Variants in KCNJ6 observed in about 807,000 individuals in gnomAD.
KCNJ6 encodes the protein G protein-activated inward rectifier potassium channel 2.
Under a neutral mutation model 34.2 loss-of-function variants are expected in KCNJ6, and 9 were observed. The observed-to-expected ratio is 0.26, with a 90% CI of 0.16 to 0.46. The LOEUF (loss-of-function observed/expected upper bound fraction) is 0.46, where lower values mean the gene tolerates loss of function less well. Among genes scored for constraint, KCNJ6 ranks in the 20% least tolerant of loss-of-function variants. KCNJ6 has a pLI of 1.00. For synonymous variants in KCNJ6, 196 were observed against 207.1 expected, an observed-to-expected ratio of 0.95 and a Z score of 0.46; for missense variants, 236 against 531.3, an observed-to-expected ratio of 0.44 and a Z score of 5.46.
intron 1 of KCNJ6, among the ~76,000 whole-genome samples, chr21:37,914,042 T>TGTGTCTGTGC (rs1397601937): frequency 6.6e-6 from 1 of 150,748 alleles, no homozygotes; most frequent in Non-Finnish European, 1.5e-5. Context: ...TGTGTGTGTG[T>TGTGTCTGTGC]GTGTGTGTCT....
chr21:37,878,890 T>C (rs1568882362), intron 1 of KCNJ6, among the ~76,000 whole-genome samples: 1 of 152,182 alleles, frequency 6.6e-6, no homozygotes, highest in Non-Finnish European at 1.5e-5. Context: ...CCGTGTGATG[T>C]TCCTGATAGA....
In KCNJ6 at chr21:37,714,113, A is replaced by AGGTTCAGTATTCTAGATCTTGT; in HGVS notation, c.946+76_946+97dup. 1.2e-6 allele frequency: 1 copy of AGGTTCAGTATTCTAGATCTTGT among 843,704 alleles called. No individual in the cohort carries two copies. Among genetic ancestry groups the AGGTTCAGTATTCTAGATCTTGT allele is most frequent in the Admixed American group, 2.2e-5 (1 of 45,474 alleles). 52.3% of individuals were successfully genotyped at this position (843,704 alleles called of 1,614,324 possible). A position where few individuals can be genotyped will look rare whatever the true frequency, so the allele number is the denominator to read the frequency against. ...AAGGGGATGTTGTCAATATTGAGTGAGGTTCAGTATTCTAGATCTTGTAAT... is the reference window on the plus strand; with the variant it reads ...AAGGGGATGTTGTCAATATTGAGTGAGGTTCAGTATTCTAGATCTTGTGGTTCAGTATTCTAGATCTTGTAAT... On this transcript the variant is annotated intron_variant, in intron 3 of 3. Transcript: ENST00000609713. The surrounding 1 kb of genome is among the most constrained non-coding windows in gnomAD (Gnocchi z 5.9).
chr21:37,909,698 C>T (rs1405461923), intron 1 of KCNJ6, among the ~76,000 whole-genome samples: 2 of 152,178 alleles, frequency 1.3e-5, no homozygotes, highest in African/African-American at 4.8e-5. Context: ...TACATTATCA[C>T]ATGAATCCTC....
intron 2 of KCNJ6, among the ~76,000 whole-genome samples, chr21:37,770,701 G>A (rs1229967099): frequency 6.6e-6 from 1 of 152,100 alleles, no homozygotes; most frequent in Non-Finnish European, 1.5e-5. Flanking sequence ...TCACGGCAAA[G>A]GTAATAGAAA....
chr21:37,872,103 C>T (rs1162485574), intron 1 of KCNJ6, among the ~76,000 whole-genome samples: 3 of 152,036 alleles, frequency 2.0e-5, no homozygotes, highest in Admixed American at 6.6e-5. Context: ...GTATGGGGCA[C>T]GGATGTCCTA....
At chr21:37,881,633 G>C (rs1337706316) in intron 1 of KCNJ6, among the ~76,000 whole-genome samples, 1 of 152,076 alleles carries the variant, frequency 6.6e-6, no homozygotes, top group African/African-American at 2.4e-5. Flanking sequence ...CTCCCATGTT[G>C]ACCTTCCAAA....
Position 37,840,639 on chromosome 21 carries a change from T to C in KCNJ6, c.25+19A>G, listed in dbSNP as rs913554648. 6.4e-7 allele frequency: 1 copy of C among 1,573,068 alleles called. No individual in the cohort carries two copies. The highest frequency in any genetic ancestry group is 8.7e-7 in the Non-Finnish European group (1 of 1,149,396). On this transcript the variant is annotated intron_variant, in intron 2 of 3. Coordinates refer to ENST00000609713, the MANE Select transcript of KCNJ6 (RefSeq NM_002240.5). Reference sequence around the variant, plus strand: ...CCCATTCAAAACAAAAAATAAATAATAAATTTGAAGCTACTCACTCATGGA... The same window carrying C: ...CCCATTCAAAACAAAAAATAAATAACAAATTTGAAGCTACTCACTCATGGA...
At chr21:37,647,117 T>C (rs2054408919) in intron 3 of KCNJ6, among the ~76,000 whole-genome samples, 1 of 152,140 alleles carries the variant, frequency 6.6e-6, no homozygotes, top group Non-Finnish European at 1.5e-5. Context: ...AATGAAGTAA[T>C]ACATGAGGAT....
At chr21:37,664,100 T>TTA (rs2054502766) in intron 3 of KCNJ6, among the ~76,000 whole-genome samples, 1 of 152,192 alleles carries the variant, frequency 6.6e-6, no homozygotes, top group Non-Finnish European at 1.5e-5. Context: ...AAAATAAAGT[T>TTA]GAATCTAAAT....
intron 2 of KCNJ6, among the ~76,000 whole-genome samples, chr21:37,775,151 T>C (rs1163873327): frequency 1.3e-5 from 2 of 152,230 alleles, no homozygotes; most frequent in African/African-American, 2.4e-5. Flanking sequence ...ATGTCTTCTT[T>C]TGAGAAGTAT....
intron 2 of KCNJ6, among the ~76,000 whole-genome samples, chr21:37,820,636 T>C (rs1393670303): frequency 2.0e-5 from 3 of 152,248 alleles, no homozygotes; most frequent in African/African-American, 4.8e-5. Flanking sequence ...TTCCATAATT[T>C]ACTAGAATGA....
At chr21:37,910,843 T>C (rs1224848767) in intron 1 of KCNJ6, among the ~76,000 whole-genome samples, 1 of 152,238 alleles carries the variant, frequency 6.6e-6, no homozygotes. Context: ...GAAAATTGAT[T>C]GATGGCCTTA....
At chr21:37,739,372 A>C (rs574022410) in intron 2 of KCNJ6, among the ~76,000 whole-genome samples, 2 of 152,340 alleles carry the variant, frequency 1.3e-5, no homozygotes, top group Admixed American at 1.3e-4. Flanking sequence ...TGGGAATAAA[A>C]TTGATGCAAA....
intron 2 of KCNJ6, among the ~76,000 whole-genome samples, chr21:37,816,859 T>G (rs990488244): frequency 9.2e-5 from 14 of 152,070 alleles, no homozygotes; most frequent in African/African-American, 3.4e-4. Context: ...AAGCCCCCCG[T>G]CCCCTATCCA....
chr21:37,698,280 T>G (rs2054672877), intron 3 of KCNJ6, among the ~76,000 whole-genome samples: 1 of 152,174 alleles, frequency 6.6e-6, no homozygotes. Context: ...CTGTGGCCAC[T>G]TCTGCCTGTC....
intron 2 of KCNJ6, among the ~76,000 whole-genome samples, chr21:37,822,687 A>G (rs1250953555): frequency 1.3e-5 from 2 of 152,136 alleles, no homozygotes; most frequent in South Asian, 2.1e-4. Flanking sequence ...TCTAATCTCT[A>G]TGGATTCGAT....
At chr21:37,865,208 T>C (rs1035124272) in intron 1 of KCNJ6, among the ~76,000 whole-genome samples, 6 of 152,178 alleles carry the variant, frequency 3.9e-5, no homozygotes, top group African/African-American at 9.7e-5. Flanking sequence ...CTGGGAATAA[T>C]GTAAAGTGTG....
chr21:37,787,668 GA>G (rs1164476257), intron 2 of KCNJ6, among the ~76,000 whole-genome samples: 2 of 152,210 alleles, frequency 1.3e-5, no homozygotes, highest in Non-Finnish European at 2.9e-5. Context: ...GTCATGCTGG[GA>G]AAAAACAGAC....
chr21:37,751,808 G>A (rs908495818), intron 2 of KCNJ6, among the ~76,000 whole-genome samples: 3 of 152,192 alleles, frequency 2.0e-5, no homozygotes, highest in East Asian at 1.9e-4. Flanking sequence ...ACCCTATCTC[G>A]GGGTCTTTGA....
Sources: allele counts gnomAD v4.1 joint callset (sites outside exome capture counted in the v4.1 genomes callset), GRCh38; gene constraint gnomAD v4.1.1; non-coding constraint Gnocchi (gnomAD v3.1); transcripts MANE v1.5; gene names NCBI Gene and HGNC (gene_info 2026-07-23, HGNC 2026-07-21).